The following POLA1 variants were observed in gnomAD, a reference collection of about 807,000 sequenced individuals.
POLA1 encodes DNA polymerase alpha catalytic subunit.
Under a neutral mutation model 124.0 loss-of-function variants are expected in POLA1, and 15 were observed. The ratio of observed to expected loss-of-function variants is 0.12; its 90% CI spans 0.08 to 0.19. The LOEUF (loss-of-function observed/expected upper bound fraction) is 0.19, where lower values mean the gene tolerates loss of function less well. POLA1 is among the 10% of genes least tolerant of loss of function. The pLI is 1.00. For synonymous variants in POLA1, 408 were observed against 389.4 expected (o/e 1.05, Z -0.56); for missense variants, 886 against 1,103.4 (o/e 0.80, Z 2.79).
At position 24,909,609 on chromosome X, in the gene POLA1, A is replaced by T. The variant is rs775626662; in HGVS notation, c.4165-20844A>T. ...CATTGGTCTATATCTCTGTTTTGGT[A>T]TCAGTACCATGCTGTTTTGGTTACT... is the stretch of plus-strand genomic sequence containing the variant. On this transcript the variant is annotated intron_variant, in intron 35 of 36. Transcript: ENST00000379068. Among the ~76,000 whole-genome samples the T allele has an allele frequency of 4.5e-5, 5 of 111,197 alleles. No homozygotes were observed. In the South Asian group the frequency reaches 1.9e-3, roughly 43 times the overall value.
At chrX:24,995,475 C>G in intron 36 of POLA1, among the ~76,000 whole-genome samples, 2 of 111,789 alleles carry the variant, frequency 1.8e-5, no homozygotes, top group South Asian at 7.5e-4. Context: ...TGCATGTGCT[C>G]GCAGCGCCGG....
chrX:24,717,532 AT>A, intron 9 of POLA1, 41 bp downstream of exon 9: 1 of 1,203,062 alleles, frequency 8.3e-7, no homozygotes, highest in Non-Finnish European at 1.1e-6. Flanking sequence ...TAGGACCACA[AT>A]TTTTCTGTTG....
chrX:24,953,650 T>C (rs1008474907), intron 36 of POLA1, among the ~76,000 whole-genome samples: 2 of 111,291 alleles, frequency 1.8e-5, no homozygotes. Context: ...GAAGATCAAG[T>C]TGGACAAATA....
intron 36 of POLA1, among the ~76,000 whole-genome samples, chrX:24,962,316 A>G (rs2048177297): frequency 8.9e-6 from 1 of 111,825 alleles, no homozygotes; most frequent in African/African-American, 3.2e-5. Context: ...AATTATACCA[A>G]CAGTTTACCA....
Position 24,791,878 on chromosome X carries a change from T to C in POLA1, c.2965-18020T>C, listed in dbSNP as rs146016416. ...AAAAGATGATTTAGCAAATTTAGGA[T>C]TATTTCATCCTAATTTGGTATTCTC... On this transcript the variant is annotated intron_variant, in intron 26 of 36. Transcript: ENST00000379068. Among the ~76,000 whole-genome samples the C allele has an allele frequency of 2.0e-3, 228 of 112,171 alleles. 4 individuals are homozygous for C. The East Asian group carries it at 0.059, about 29-fold the overall frequency.
chrX:24,878,291 G>A (rs1199115207), intron 34 of POLA1, among the ~76,000 whole-genome samples: 1 of 111,661 alleles, frequency 9.0e-6, no homozygotes, highest in Non-Finnish European at 1.9e-5. Flanking sequence ...CTACCCAAAG[G>A]CATATCACTT....
chrX:24,937,070 T>A (rs1244010538), intron 36 of POLA1, among the ~76,000 whole-genome samples: 1 of 112,312 alleles, frequency 8.9e-6, no homozygotes, highest in Non-Finnish European at 1.9e-5. Flanking sequence ...TGAGGGTTTT[T>A]AAAAATTGTT....
intron 36 of POLA1, among the ~76,000 whole-genome samples, chrX:24,978,758 C>T (rs1349799450): frequency 8.9e-6 from 1 of 111,954 alleles, no homozygotes; most frequent in Non-Finnish European, 1.9e-5. Flanking sequence ...AACATAACTA[C>T]TGTGTGCACA....
intron 26 of POLA1, among the ~76,000 whole-genome samples, chrX:24,793,521 CAGG>C (rs1460374001): frequency 9.0e-6 from 1 of 111,305 alleles, no homozygotes; most frequent in Admixed American, 9.5e-5. Context: ...AGTGAAATCA[CAGG>C]AGAATTGTGT....
chrX:24,715,274 A>G, intron 6 of POLA1, 71 bp downstream of exon 6: 1 of 683,541 alleles, frequency 1.5e-6, no homozygotes, highest in Non-Finnish European at 2.3e-6. Context: ...GTAATTATAC[A>G]AAACAGACTA....
intron 26 of POLA1, among the ~76,000 whole-genome samples, chrX:24,763,647 C>A (rs1932839082): frequency 9.0e-6 from 1 of 110,763 alleles, no homozygotes; most frequent in South Asian, 3.9e-4. Context: ...CGTGAAAGAG[C>A]AGCCAGAGAA....
intron 26 of POLA1, among the ~76,000 whole-genome samples, chrX:24,784,287 G>A (rs1420418505): frequency 4.6e-5 from 5 of 109,232 alleles, no homozygotes; most frequent in Non-Finnish European, 7.6e-5. Context: ...TCCTAACCTC[G>A]TGATTCGCCC....
intron 35 of POLA1, among the ~76,000 whole-genome samples, chrX:24,909,115 T>A (rs184224526): frequency 4.1e-4 from 46 of 112,324 alleles, no homozygotes; most frequent in African/African-American, 1.4e-3. Flanking sequence ...GTTTGAGTTC[T>A]TTGTAGATTC....
At chrX:24,938,041 G>C (rs1057198110) in intron 36 of POLA1, among the ~76,000 whole-genome samples, 11 of 112,520 alleles carry the variant, frequency 9.8e-5, no homozygotes, top group Middle Eastern at 4.6e-3. Context: ...TTGTTTCTTC[G>C]TAACTAGAAG....
chrX:24,925,150 T>C (rs11573476), intron 35 of POLA1, among the ~76,000 whole-genome samples: 89 of 112,408 alleles, frequency 7.9e-4, no homozygotes, highest in South Asian at 1.5e-3. Flanking sequence ...TTTACAGTTA[T>C]AGCGAGTGCT....
intron 34 of POLA1, among the ~76,000 whole-genome samples, chrX:24,860,185 A>G (rs758455065): frequency 7.1e-5 from 8 of 112,714 alleles, no homozygotes; most frequent in East Asian, 5.6e-4. Flanking sequence ...TATTAACACC[A>G]TAATTAAATA....
intron 24 of POLA1, among the ~76,000 whole-genome samples, chrX:24,747,492 A>G (rs1932075273): frequency 1.8e-5 from 2 of 110,890 alleles, no homozygotes; most frequent in South Asian, 3.8e-4. Context: ...TTGCTGATTT[A>G]TTAGCTTTTA....
At chrX:24,699,152 G>A (rs1044039991) in intron 1 of POLA1, among the ~76,000 whole-genome samples, 1 of 112,201 alleles carries the variant, frequency 8.9e-6, no homozygotes, top group African/African-American at 3.2e-5. Context: ...CAGGATATCA[G>A]TTGAATTGGG....
At chrX:24,933,251 A>C (rs1385117536) in intron 36 of POLA1, among the ~76,000 whole-genome samples, 1 of 111,954 alleles carries the variant, frequency 8.9e-6, no homozygotes, top group African/African-American at 3.2e-5. Flanking sequence ...ATATTCTTAT[A>C]GTAGAGAGGA....
Sources: allele counts gnomAD v4.1 joint callset (sites outside exome capture counted in the v4.1 genomes callset), GRCh38; gene constraint gnomAD v4.1.1; transcripts MANE v1.5; gene names NCBI Gene and HGNC (gene_info 2026-07-23, HGNC 2026-07-21).